OPCML: variants seen among roughly 807,000 people sequenced by gnomAD.
OPCML encodes opioid-binding protein/cell adhesion molecule.
Under a neutral mutation model 37.8 loss-of-function variants are expected in OPCML, and 13 were observed. The ratio of observed to expected loss-of-function variants is 0.34; its 90% CI spans 0.22 to 0.55. OPCML has a LOEUF of 0.55. Ranked by LOEUF, OPCML falls within the 20% of genes least tolerant of loss-of-function variation. OPCML has a pLI of 0.91. For missense variants in OPCML, 341 were observed against 435.6 expected (o/e 0.78, Z 1.93); for synonymous variants, 176 against 168.8 (o/e 1.04, Z -0.33).
At chr11:132,446,224 T>G (rs946282860) in intron 4 of OPCML, among the ~76,000 whole-genome samples, 2 of 147,588 alleles carry the variant, frequency 1.4e-5, no homozygotes, top group African/African-American at 5.1e-5. Context: ...TCTGAGTGAG[T>G]GTCACAGAAA....
chr11:132,860,760 G>A (rs557210272), intron 2 of OPCML: 5 of 152,184 alleles, frequency 3.3e-5, no homozygotes, highest in East Asian at 1.9e-4. Context: ...CTAGATTCAC[G>A]TAACTGTACT....
chr11:133,397,571 A>G (rs554235402), intron 1 of OPCML, among the ~76,000 whole-genome samples: 1 of 152,370 alleles, frequency 6.6e-6, no homozygotes, highest in East Asian at 1.9e-4. Flanking sequence ...TGAGTTGAGC[A>G]GATAACATTT....
intron 2 of OPCML, among the ~76,000 whole-genome samples, chr11:132,683,530 A>T (rs1464691084): frequency 6.6e-6 from 1 of 152,218 alleles, no homozygotes; most frequent in Admixed American, 6.5e-5. Flanking sequence ...GACTTTTCGT[A>T]ACTTAAATAA....
intron 1 of OPCML, among the ~76,000 whole-genome samples, chr11:133,109,213 C>T (rs191378960): frequency 8.5e-5 from 13 of 152,260 alleles, no homozygotes; most frequent in Admixed American, 2.6e-4. Context: ...AATGAAGCCA[C>T]GGAACTTTGC....
chr11:133,304,362 C>T (rs1942858564), intron 1 of OPCML, among the ~76,000 whole-genome samples: 2 of 152,324 alleles, frequency 1.3e-5, no homozygotes, highest in Middle Eastern at 3.4e-3. Context: ...AAAGACCTGA[C>T]AGGCCTGGAG....
chr11:132,483,808 C>A (rs1400283122), intron 4 of OPCML, among the ~76,000 whole-genome samples: 8 of 151,504 alleles, frequency 5.3e-5, no homozygotes, highest in South Asian at 2.1e-4. Flanking sequence ...CAAAAACAAG[C>A]AATGGGGAAA....
At chr11:132,814,610 G>A (rs117459199) in intron 2 of OPCML, among the ~76,000 whole-genome samples, 19 of 152,280 alleles carry the variant, frequency 1.2e-4, no homozygotes, top group South Asian at 2.1e-4. Flanking sequence ...TAATGAGTCC[G>A]CAGTCCACCA....
At chr11:133,316,472 G>A (rs146720998) in intron 1 of OPCML, among the ~76,000 whole-genome samples, 9 of 152,120 alleles carry the variant, frequency 5.9e-5, no homozygotes, top group East Asian at 1.9e-4. Context: ...ACAGTGGGGC[G>A]TGTCAGGGGA....
intron 2 of OPCML, among the ~76,000 whole-genome samples, chr11:132,921,572 C>A (rs1944803947): frequency 6.6e-6 from 1 of 152,182 alleles, no homozygotes; most frequent in Non-Finnish European, 1.5e-5. Flanking sequence ...GGAGGGAATG[C>A]CAGAAACCCT....
chr11:133,031,299 G>A (rs1174748724), intron 1 of OPCML, among the ~76,000 whole-genome samples: 4 of 152,086 alleles, frequency 2.6e-5, no homozygotes, highest in Admixed American at 6.5e-5. Context: ...TGGGTGGATG[G>A]ATAGATGGAT....
At chr11:132,500,359 A>C (rs2096242950) in intron 4 of OPCML, among the ~76,000 whole-genome samples, 1 of 152,156 alleles carries the variant, frequency 6.6e-6, no homozygotes, top group African/African-American at 2.4e-5. Flanking sequence ...AAATTTCCAT[A>C]ATCAGGAAAA....
chr11:133,342,867 G>C (rs1943906095), intron 1 of OPCML, among the ~76,000 whole-genome samples: 4 of 152,100 alleles, frequency 2.6e-5, no homozygotes, highest in Admixed American at 2.6e-4. Flanking sequence ...ACTTTGCTGA[G>C]AATTACTCAT....
chr11:132,832,566 T>C (rs1435057988), intron 2 of OPCML, among the ~76,000 whole-genome samples: 1 of 152,222 alleles, frequency 6.6e-6, no homozygotes, highest in African/African-American at 2.4e-5. Flanking sequence ...TGCTTTCTTT[T>C]TTAACAAAAG....
chr11:133,002,816 T>C (rs1312666210), intron 1 of OPCML, among the ~76,000 whole-genome samples: 3 of 152,064 alleles, frequency 2.0e-5, no homozygotes, highest in Non-Finnish European at 4.4e-5. Flanking sequence ...GATCGTAGGT[T>C]GTGTCATCAG....
chr11:133,311,995 G>A (rs185142024), intron 1 of OPCML, among the ~76,000 whole-genome samples: 49 of 152,212 alleles, frequency 3.2e-4, no homozygotes, highest in African/African-American at 1.0e-3. Context: ...GCTGCAGAAT[G>A]AGTCCCAGTG....
chr11:132,830,465 T>TAG, intron 2 of OPCML, among the ~76,000 whole-genome samples: 1 of 152,350 alleles, frequency 6.6e-6, no homozygotes. Flanking sequence ...GCTCACAGCA[T>TAG]GAGCCCCTCC....
chr11:133,055,641 T>C (rs1251235150), intron 1 of OPCML, among the ~76,000 whole-genome samples: 108 of 120,312 alleles, frequency 9.0e-4, no homozygotes, highest in African/African-American at 1.7e-3. Flanking sequence ...GTGGTGAGAC[T>C]CCATGAGGGA....
intron 2 of OPCML, among the ~76,000 whole-genome samples, chr11:132,669,731 T>C (rs546559893): frequency 1.6e-4 from 24 of 152,304 alleles, no homozygotes; most frequent in African/African-American, 5.3e-4. Context: ...AGAAGAAAAG[T>C]GTCTTTTGAG....
chr11:132,806,426 G>A (rs1445255868), intron 2 of OPCML, among the ~76,000 whole-genome samples: 1 of 152,078 alleles, frequency 6.6e-6, no homozygotes, highest in Non-Finnish European at 1.5e-5. Flanking sequence ...GATATAACAT[G>A]CAAGCTGCAA....
Sources: allele counts gnomAD v4.1 joint callset (sites outside exome capture counted in the v4.1 genomes callset), GRCh38; gene constraint gnomAD v4.1.1; transcripts MANE v1.5; gene names NCBI Gene and HGNC (gene_info 2026-07-23, HGNC 2026-07-21).